The following QARS1 variants were observed in gnomAD, a reference collection of about 807,000 sequenced individuals.
QARS1 encodes the protein glutaminyl-tRNA synthetase 1.
A neutral mutation model predicts 106.9 loss-of-function variants in QARS1; 79 were observed. The observed-to-expected ratio is 0.74, with a 90% CI of 0.62 to 0.89. QARS1 has a LOEUF of 0.89. Ranked by LOEUF, QARS1 falls within the 40% of genes least tolerant of loss-of-function variation. The pLI is 0.00. For synonymous variants in QARS1, 395 were observed against 367.7 expected (o/e 1.07, Z -0.85); for missense variants, 966 against 997.2 (o/e 0.97, Z 0.42).
At position 49,096,027 on chromosome 3, in the gene QARS1, G is replaced by A; in HGVS notation, c.*2C>T. On this transcript the variant is annotated 3_prime_UTR_variant, in exon 24 of 24. Transcript: ENST00000306125. ...GGATGAGGTAGGTTCAGTGCTTCCA[G>A]CTCACACCTTTCCTGGGTCTTCCTT... 6.2e-7 allele frequency: 1 copy of A among 1,613,810 alleles called. No homozygotes were observed. The highest frequency in any genetic ancestry group is 1.1e-5 in the South Asian group (1 of 90,966).
intron 5 of QARS1, chr3:49,102,806 C>A (rs2042488290): frequency 2.6e-6 from 1 of 386,382 alleles, no homozygotes; most frequent in Non-Finnish European, 5.0e-6. Context: ...CCACACCCAG[C>A]TAATTTTTGT....
At chr3:49,104,265 A>G (rs2042509102) in intron 2 of QARS1, 59 bp downstream of exon 2, 2 of 1,599,162 alleles carry the variant, frequency 1.3e-6, no homozygotes, top group Non-Finnish European at 8.5e-7. Flanking sequence ...AAGGGAAGAC[A>G]GGGGTCTTGG....
At chr3:49,100,755 G>C (rs759509684) in intron 10 of QARS1, 81 bp from the exon 11 acceptor site, 1 of 1,185,704 alleles carries the variant, frequency 8.4e-7, no homozygotes, top group Non-Finnish European at 1.3e-6. Flanking sequence ...GATATTCACA[G>C]AGCACTCTCA....
intron 19 of QARS1, 89 bp from the exon 20 acceptor site, chr3:49,098,781 G>C: frequency 6.7e-7 from 1 of 1,500,650 alleles, no homozygotes; most frequent in East Asian, 2.3e-5. Flanking sequence ...GCAAAGATTG[G>C]TTCATCTGAA....
In QARS1 at chr3:49,099,592, A is replaced by G; in HGVS notation, c.1444T>C (p.Trp482Arg). The G allele has an allele frequency of 6.2e-7, 1 of 1,614,114 alleles. No individual in the cohort carries two copies. Among genetic ancestry groups the G allele is most frequent in the Non-Finnish European group, 8.5e-7 (1 of 1,180,008 alleles). ...TGCAGGTTGAGGCGGCCATACTCCC[A>G]CTGCACAGGGCAATAGACGTCCAGT... The part of the protein sequence containing the change: ...NALDVYCPVQ[W>R]EYGRLNLHYA... Residue 482 changes from tryptophan to arginine, a missense_variant, in exon 16 of 24, where the codon TGG becomes CGG. Transcript: ENST00000306125.
Position 49,102,207 on chromosome 3 carries a change from T to C in QARS1, c.629A>G (p.Asn210Ser), listed in dbSNP as rs1445751712. Residue 210 changes from asparagine to serine, a missense_variant and splice_region_variant, in exon 7 of 24, where the codon AAT (asparagine) becomes AGT (serine). Coordinates refer to ENST00000306125, the MANE Select transcript of QARS1 (RefSeq NM_005051.3). ...GACAGGAGTCTCAAGCTTCTCACCA[T>C]TCTCCACCACATCCTTTGCCGTCCT... The part of the protein sequence containing the change: ...DRRTAKDVVE[N>S]GETADQTLSL... 1 of 1,614,214 alleles carries C rather than the reference T, an allele frequency of 6.2e-7. No individual in the cohort carries two copies. The highest frequency in any genetic ancestry group is 1.7e-5 in the Admixed American group (1 of 60,028).
Position 49,100,244 on chromosome 3 carries a change from A to C in QARS1, c.1110T>G (p.Thr370=). The change falls in exon 13 of 24, where the codon ACT becomes ACG. Residue 370 remains threonine, a synonymous_variant. Coordinates refer to ENST00000306125, the MANE Select transcript of QARS1 (RefSeq NM_005051.3). ...GACGGTCTCTCCAGGGTGAAGGCAG[A>C]GTATTATGGCCTTTGAGCTCCTCTC... ...QRGEELKGHN[T]LPSPWRDRPM... is the part of the protein sequence containing the mutation. The C allele has an allele frequency of 6.2e-7, 1 of 1,614,248 alleles. No homozygotes were observed. Among genetic ancestry groups the C allele is most frequent in the Non-Finnish European group, 8.5e-7 (1 of 1,180,052 alleles).
Position 49,103,334 on chromosome 3 carries a change from A to T in QARS1, c.516+11T>A, listed in dbSNP as rs1462636215. On this transcript the variant is annotated intron_variant, in intron 5 of 23. Coordinates refer to ENST00000306125, the MANE Select transcript of QARS1 (RefSeq NM_005051.3). ...GTCTTTGCCAGCTTCAGCTTAGTGA[A>T]GCACGCTCACCTGCATGTCCACTTC... 2 of 1,613,760 alleles carry T rather than the reference A, an allele frequency of 1.2e-6. No homozygotes were observed. The highest frequency in any genetic ancestry group is 1.7e-6 in the Non-Finnish European group (2 of 1,179,930).
rs770779050 is a variant in QARS1 at position 49,098,055 on chromosome 3, G to A, written c.2214C>T (p.Phe738=). ...VDCSVALAKP[F]DKFQFERLGY... is the part of the protein sequence containing the mutation. ...CAAGACGCTCAAACTGGAACTTGTCGAAGGGTTTTGCCAGGGCCACAGAGC... is the reference window on the plus strand; with the variant it reads ...CAAGACGCTCAAACTGGAACTTGTCAAAGGGTTTTGCCAGGGCCACAGAGC... Residue 738 remains phenylalanine, a synonymous_variant, in exon 23 of 24, where the codon TTC becomes TTT. Transcript: ENST00000306125. The A allele has an allele frequency of 9.9e-6, 16 of 1,614,026 alleles. No homozygotes were observed. The highest frequency in any genetic ancestry group is 1.7e-5 in the Admixed American group (1 of 60,000).
chr3:49,103,913 G>A lies in QARS1; in HGVS notation c.325C>T (p.Arg109Trp), dbSNP rs1429983136. The A allele has an allele frequency of 2.5e-6, 4 of 1,613,968 alleles. No individual in the cohort carries two copies. The highest frequency in any genetic ancestry group is 1.7e-5 in the Admixed American group (1 of 60,018). ...LDPIDTVDFE[R>W]ECGVGVIVTP... is the part of the protein sequence containing the mutation. ...ACAATGACACCCACGCCACATTCCC[G>A]CTCGAAGTCCACAGTGTCGATGGGG... The change falls in exon 3 of 24, where the codon CGG becomes TGG. Residue 109 changes from arginine (R) to tryptophan (W), a missense_variant. Transcript: ENST00000306125.
chr3:49,096,855 T>C (rs1216863629), intron 23 of QARS1, among the ~76,000 whole-genome samples: 1 of 115,860 alleles, frequency 8.6e-6, no homozygotes, highest in Non-Finnish European at 1.7e-5. Flanking sequence ...CGTGGTAGCA[T>C]GTGCCTGTAA....
rs910628352 is a variant in QARS1, at chr3:49,101,616, A to C, written c.789+4T>G. ...CAAGCTCACATGGCCACATCCCCAC[A>C]CACCTGCCCACCAGTAATCTCCAGG... On this transcript the variant is annotated splice_donor_region_variant and intron_variant, in intron 9 of 23. Coordinates refer to ENST00000306125, the MANE Select transcript of QARS1 (RefSeq NM_005051.3). The C allele has an allele frequency of 1.2e-6, 2 of 1,613,484 alleles. No individual in the cohort carries two copies. The highest frequency in any genetic ancestry group is 1.7e-6 in the Non-Finnish European group (2 of 1,179,960).
intron 23 of QARS1, among the ~76,000 whole-genome samples, chr3:49,097,460 C>A (rs1487332959): frequency 1.3e-5 from 2 of 148,820 alleles, no homozygotes; most frequent in African/African-American, 4.9e-5. Flanking sequence ...GCTGGGATTA[C>A]AAGTGTGAGC....
intron 23 of QARS1, chr3:49,096,992 GAAAA>G: frequency 1.2e-5 from 1 of 81,344 alleles, no homozygotes; most frequent in Non-Finnish European, 2.6e-5. Context: ...TTCAAAAAAA[GAAAA>G]AAAAAAAAAA....
At chr3:49,101,306 G>A in intron 10 of QARS1, 49 bp downstream of exon 10, 3 of 1,411,064 alleles carry the variant, frequency 2.1e-6, no homozygotes, top group African/African-American at 2.8e-5. Flanking sequence ...CCACTCATGG[G>A]AACAGCAAGT....
chr3:49,103,363 C>T lies in QARS1; in HGVS notation c.498G>A (p.Lys166=). The change falls in exon 5 of 24, where the codon AAG becomes AAA. Residue 166 remains lysine (K), a synonymous_variant. Coordinates refer to ENST00000306125, the MANE Select transcript of QARS1 (RefSeq NM_005051.3). Reference sequence around the variant, plus strand: ...CGCTCACCTGCATGTCCACTTCATTCTTGATCATTTTGCCATCTGCCCACT... The same window carrying T: ...CGCTCACCTGCATGTCCACTTCATTTTTGATCATTTTGCCATCTGCCCACT... ...VLKWADGKMI[K]NEVDMQVLHL... is the part of the protein sequence containing the mutation. 6.2e-7 allele frequency: 1 copy of T among 1,614,090 alleles called. No individual in the cohort carries two copies.
chr3:49,102,554 G>C, intron 5 of QARS1, 82 bp from the exon 6 acceptor site: 1 of 1,501,592 alleles, frequency 6.7e-7, no homozygotes, highest in Non-Finnish European at 9.2e-7. Flanking sequence ...CCAACCCAAG[G>C]CTTCCTGGCC....
At chr3:49,098,143 A>C in intron 22 of QARS1, 26 bp from the exon 23 acceptor site, 1 of 1,614,160 alleles carries the variant, frequency 6.2e-7, no homozygotes. Flanking sequence ...TCAGGCAACC[A>C]TCCAACCAGG....
intron 3 of QARS1, 75 bp downstream of exon 3, chr3:49,103,788 C>T (rs2042502115): frequency 1.3e-6 from 2 of 1,595,180 alleles, no homozygotes; most frequent in Non-Finnish European, 1.7e-6. Context: ...CTGGGTCTTC[C>T]TGAGGAGGGA....
Sources: allele counts gnomAD v4.1 joint callset (sites outside exome capture counted in the v4.1 genomes callset), GRCh38; gene constraint gnomAD v4.1.1; transcripts MANE v1.5; gene names NCBI Gene and HGNC (gene_info 2026-07-23, HGNC 2026-07-21).